Variants in SIRPA observed in about 807,000 individuals in gnomAD.
SIRPA encodes signal regulatory protein alpha, also known as tyrosine-protein phosphatase non-receptor type substrate 1.
SIRPA carries 9 observed loss-of-function variants against 50.3 expected under a neutral mutation model. The ratio of observed to expected loss-of-function variants is 0.18; its 90% CI spans 0.11 to 0.31. SIRPA has a LOEUF of 0.31. Ranked by LOEUF, SIRPA falls within the 10% of genes least tolerant of loss-of-function variation. SIRPA has a pLI of 1.00. For synonymous variants in SIRPA, 265 were observed against 284.1 expected (o/e 0.93, Z 0.68); for missense variants, 474 against 661.6 (o/e 0.72, Z 3.11).
In SIRPA at chr20:1,936,321, T is replaced by C. The variant is rs1986571373; in HGVS notation, c.1267-999T>C. ...GCTAAGTGGTTAATGATTGCGAACA[T>C]TTATTGAAGACAGATGCTCAATAGG... On this transcript the variant is annotated intron_variant, in intron 7 of 7. Coordinates refer to ENST00000358771, the MANE Select transcript of SIRPA (RefSeq NM_001040023.2). This position sits in a 1 kb window ranked among gnomAD's most constrained non-coding sequence, Gnocchi z 4.2. 6.6e-6 allele frequency among the ~76,000 whole-genome samples: 1 copy of C among 152,304 alleles called. No homozygotes were observed. The highest frequency in any genetic ancestry group is 1.5e-5 in the Non-Finnish European group (1 of 68,024).
At chr20:1,906,364 T>C (rs1427778115) in intron 1 of SIRPA, among the ~76,000 whole-genome samples, 2 of 152,116 alleles carry the variant, frequency 1.3e-5, no homozygotes, top group African/African-American at 4.8e-5. Flanking sequence ...TTTAAAAAAT[T>C]AACAAGGAAA....
intron 4 of SIRPA, among the ~76,000 whole-genome samples, chr20:1,923,465 G>C (rs184779164): frequency 7.2e-5 from 11 of 152,378 alleles, no homozygotes; most frequent in Admixed American, 5.9e-4. Context: ...AGACAGCCTT[G>C]GGGCTGTGTC....
chr20:1,931,203 ATC>A (rs762282616), intron 6 of SIRPA, among the ~76,000 whole-genome samples: 4 of 152,052 alleles, frequency 2.6e-5, no homozygotes, highest in Non-Finnish European at 4.4e-5. Flanking sequence ...CTGATTGAGA[ATC>A]TCTATTTCCA....
intron 1 of SIRPA, among the ~76,000 whole-genome samples, chr20:1,906,623 G>T (rs1339748971): frequency 6.6e-6 from 1 of 152,112 alleles, no homozygotes; most frequent in African/African-American, 2.4e-5. Flanking sequence ...GGCCCCTGGG[G>T]CCACTGTAAA....
chr20:1,908,800 C>T (rs1034319262), intron 1 of SIRPA, among the ~76,000 whole-genome samples: 1 of 152,232 alleles, frequency 6.6e-6, no homozygotes, highest in African/African-American at 2.4e-5. Context: ...CAGCCCTGTA[C>T]TATATCCTGT....
intron 1 of SIRPA, among the ~76,000 whole-genome samples, chr20:1,897,011 T>C (rs970474808): frequency 7.2e-5 from 11 of 152,186 alleles, no homozygotes; most frequent in African/African-American, 2.7e-4. Context: ...AAGCAGGGAA[T>C]TGGGCCCGAG....
rs1388528170 is a variant in SIRPA at position 1,937,361 on chromosome 20, G to C, written c.1308G>C (p.Lys436Asn). ...DITYADLNLPKGKKPAPQAAE... is the reference protein window; with the variant it reads ...DITYADLNLPNGKKPAPQAAE... Reference sequence around the variant, plus strand: ...CATATGCAGACCTGAACCTGCCCAAGGGGAAGAAGCCTGCTCCCCAGGCTG... The same window carrying C: ...CATATGCAGACCTGAACCTGCCCAACGGGAAGAAGCCTGCTCCCCAGGCTG... The change falls in exon 8 of 8, where the codon AAG (lysine) becomes AAC (asparagine). Residue 436 changes from lysine to asparagine, a missense_variant. By Grantham distance (94) the Lys-to-Asn change is moderately conservative (BLOSUM62 0). Transcript: ENST00000358771. The surrounding 1 kb of genome is among the most constrained non-coding windows in gnomAD (Gnocchi z 8.3). 6.2e-7 allele frequency: 1 copy of C among 1,613,994 alleles called. No individual in the cohort carries two copies. Among genetic ancestry groups the C allele is most frequent in the African/African-American group, 1.3e-5 (1 of 74,890 alleles).
At position 1,927,858 on chromosome 20, in the gene SIRPA, T is replaced by C. The variant is rs1986074847; in HGVS notation, c.1202-17T>C. The C allele has an allele frequency of 1.9e-6, 3 of 1,613,664 alleles. No individual in the cohort carries two copies. The highest frequency in any genetic ancestry group is 1.3e-5 in the African/African-American group (1 of 74,924). On this transcript the variant is annotated splice_polypyrimidine_tract_variant and intron_variant, in intron 5 of 7. Transcript: ENST00000358771. This position sits in a 1 kb window ranked among gnomAD's most constrained non-coding sequence, Gnocchi z 6.5. ...CTTCTAGTTAAACAACTGGCTTTTG[T>C]TTCTTTTGTCTTTCAGCCCAGGGCT...
intron 4 of SIRPA, among the ~76,000 whole-genome samples, chr20:1,923,967 CAGTT>C (rs1391428873): frequency 4.8e-5 from 7 of 146,968 alleles, no homozygotes; most frequent in South Asian, 2.1e-4. Flanking sequence ...ATAAAAGAGT[CAGTT>C]GGTTGGCTGG....
intron 4 of SIRPA, among the ~76,000 whole-genome samples, chr20:1,923,342 T>C (rs1301350302): frequency 6.6e-6 from 1 of 152,252 alleles, no homozygotes; most frequent in African/African-American, 2.4e-5. Flanking sequence ...AGCCATGGAA[T>C]ATTTCATCAC....
intron 6 of SIRPA, among the ~76,000 whole-genome samples, chr20:1,930,489 C>T (rs1336491890): frequency 2.0e-5 from 3 of 152,382 alleles, no homozygotes; most frequent in South Asian, 4.1e-4. Context: ...CACTGTAGCA[C>T]GTCCCACTCT....
intron 1 of SIRPA, among the ~76,000 whole-genome samples, chr20:1,909,371 C>T (rs1001293125): frequency 6.6e-5 from 10 of 152,246 alleles, no homozygotes; most frequent in Non-Finnish European, 1.3e-4. Context: ...CTGTTGGCTT[C>T]CTTCTCCCCA....
intron 1 of SIRPA, among the ~76,000 whole-genome samples, chr20:1,909,139 G>A (rs1020703021): frequency 1.3e-5 from 2 of 152,220 alleles, no homozygotes; most frequent in African/African-American, 4.8e-5. Flanking sequence ...AGCCACTTTA[G>A]AATGTTGAGC....
intron 2 of SIRPA, among the ~76,000 whole-genome samples, 163 bp from the exon 3 acceptor site, chr20:1,921,232 C>A (rs1306961840): frequency 6.6e-6 from 1 of 152,224 alleles, no homozygotes; most frequent in East Asian, 1.9e-4. Context: ...ACCTTTGCAT[C>A]CTGCTCTGTA....
Position 1,934,635 on chromosome 20 carries a change from C to A in SIRPA, c.1227-80C>A, listed in dbSNP as rs1256624360. ...CCTCAACCCATATAGAAAATGGAGC[C>A]TAAATGTTATTCTTATCAGTTTGCA... is the stretch of plus-strand genomic sequence containing the variant. On this transcript the variant is annotated intron_variant, in intron 6 of 7. Transcript: ENST00000358771. This position sits in a 1 kb window ranked among gnomAD's most constrained non-coding sequence, Gnocchi z 4.6. The A allele has an allele frequency of 7.1e-6, 10 of 1,406,584 alleles. 1 individual carries two copies. In the Middle Eastern group the frequency reaches 5.3e-4, roughly 75 times the overall value. The allele number at this position is 1,406,584 out of a possible 1,614,324, so 87.1% of individuals were successfully genotyped here. A position where few individuals can be genotyped will look rare whatever the true frequency, so the allele number is the denominator to read the frequency against.
chr20:1,914,767 T>G (rs2123089568), intron 1 of SIRPA, among the ~76,000 whole-genome samples: 1 of 152,188 alleles, frequency 6.6e-6, no homozygotes, highest in East Asian at 1.9e-4. Context: ...TTGCCCAGGC[T>G]GTTCCCTCTG....
intron 5 of SIRPA, among the ~76,000 whole-genome samples, chr20:1,926,789 G>A (rs1421551808): frequency 6.6e-6 from 1 of 152,132 alleles, no homozygotes; most frequent in Non-Finnish European, 1.5e-5. Context: ...CCATGTCTAG[G>A]ACCACCTTGC....
intron 6 of SIRPA, among the ~76,000 whole-genome samples, chr20:1,929,258 G>T (rs1460825231): frequency 2.6e-5 from 4 of 152,074 alleles, no homozygotes; most frequent in Non-Finnish European, 5.9e-5. Context: ...CAGGAGGTGA[G>T]GATGTGTAGG....
intron 1 of SIRPA, among the ~76,000 whole-genome samples, chr20:1,908,988 A>G (rs1984719915): frequency 6.6e-6 from 1 of 152,224 alleles, no homozygotes; most frequent in South Asian, 2.1e-4. Context: ...ACTCTGGCAC[A>G]CAGCATTAAA....
Sources: gnomAD v4.1 joint callset for allele counts (sites outside exome capture counted in the v4.1 genomes callset) on GRCh38, gnomAD v4.1.1 for gene constraint, Gnocchi (gnomAD v3.1) non-coding constraint, MANE v1.5 for transcripts, NCBI Gene and HGNC (gene_info 2026-07-23, HGNC 2026-07-21) for gene names.